KMT2E: variants seen among roughly 807,000 people sequenced by gnomAD.
KMT2E encodes histone reader KMT2E.
Under a neutral mutation model 184.6 loss-of-function variants are expected in KMT2E, and 30 were observed. The observed-to-expected ratio is 0.16, with a 90% CI of 0.12 to 0.22. The LOEUF (loss-of-function observed/expected upper bound fraction) is 0.22, where lower values mean the gene tolerates loss of function less well. Ranked by LOEUF, KMT2E falls within the 10% of genes least tolerant of loss-of-function variation. The pLI is 1.00. For missense variants in KMT2E, 2,023 were observed against 2,237.4 expected, an observed-to-expected ratio of 0.90 and a Z score of 1.93; for synonymous variants, 815 against 776.5, an observed-to-expected ratio of 1.05 and a Z score of -0.82.
At chr7:105,108,739 T>G in intron 22 of KMT2E, 13 of 551,572 alleles carry the variant, frequency 2.4e-5, no homozygotes, top group Non-Finnish European at 2.3e-5. Context: ...TGAGGATAAA[T>G]GAGATAATGT....
rs766219533 is a variant in KMT2E at position 105,113,295 on chromosome 7, A to G, written c.5539A>G (p.Thr1847Ala). 2.0e-5 allele frequency: 33 copies of G among 1,613,066 alleles called. No homozygotes were observed. The South Asian group carries it at 3.3e-4, about 16-fold the overall frequency. The change falls in exon 27 of 27, where the codon ACA (threonine) becomes GCA (alanine). Residue 1847 changes from threonine to alanine, a missense_variant. Coordinates refer to ENST00000311117, the MANE Select transcript of KMT2E (RefSeq NM_182931.3). ...IPIHRAQVPP[T>A]FQNNYHGSGW... ...AATTCACAGAGCACAGGTGCCACCA[A>G]CATTTCAAAACAATTACCATGGGTC...
intron 1 of KMT2E, among the ~76,000 whole-genome samples, chr7:105,015,450 G>C (rs1794677614): frequency 1.3e-5 from 2 of 152,206 alleles, no homozygotes; most frequent in Admixed American, 1.3e-4. Context: ...GTTAGCTCTA[G>C]AGTAAACCTC....
Position 105,112,609 on chromosome 7 carries a change from A to C in KMT2E, c.4853A>C (p.His1618Pro), listed in dbSNP as rs748481874. The change falls in exon 27 of 27, where the codon CAC becomes CCC. Residue 1618 changes from histidine to proline, a missense_variant. By Grantham distance (77) the His-to-Pro change is moderately conservative. Transcript: ENST00000311117. ...HFLPSQNPTI[H>P]HQTAAAVVPP... is the part of the protein sequence containing the mutation. ...TTGCCCTCTCAGAACCCTACCATTC[A>C]CCATCAAACTGCTGCTGCCGTAGTC... is the stretch of plus-strand genomic sequence containing the variant. The C allele has an allele frequency of 6.2e-7, 1 of 1,613,672 alleles. No homozygotes were observed. The highest frequency in any genetic ancestry group is 8.5e-7 in the Non-Finnish European group (1 of 1,179,920).
intron 1 of KMT2E, among the ~76,000 whole-genome samples, chr7:105,019,031 C>T (rs1021219282): frequency 1.3e-5 from 2 of 151,836 alleles, no homozygotes; most frequent in Admixed American, 1.3e-4. Context: ...ATAGCAATTG[C>T]AATATTTTTA....
intron 6 of KMT2E, among the ~76,000 whole-genome samples, chr7:105,071,613 T>A (rs1269179346): frequency 2.0e-3 from 171 of 86,624 alleles, no homozygotes; most frequent in African/African-American, 8.9e-3. Flanking sequence ...TATATATTTT[T>A]TTTTTTTTTT....
intron 1 of KMT2E, among the ~76,000 whole-genome samples, chr7:105,033,169 G>A (rs1371580690): frequency 6.6e-6 from 1 of 152,138 alleles, no homozygotes; most frequent in Admixed American, 6.5e-5. Flanking sequence ...ACAATTATTG[G>A]TTAAAGCACA....
intron 1 of KMT2E, among the ~76,000 whole-genome samples, chr7:105,022,791 A>G (rs1024022481): frequency 6.6e-6 from 1 of 152,186 alleles, no homozygotes; most frequent in African/African-American, 2.4e-5. Context: ...ATACACATAT[A>G]CACCAGGGTT....
At chr7:105,106,057 C>G in intron 19 of KMT2E, 54 bp downstream of exon 19, 1 of 1,507,082 alleles carries the variant, frequency 6.6e-7, no homozygotes, top group Non-Finnish European at 9.0e-7. Context: ...GGCATACATA[C>G]AGCTTTATAA....
intron 19 of KMT2E, 100 bp from the exon 20 acceptor site, chr7:105,106,422 C>G (rs1393073118): frequency 1.7e-5 from 19 of 1,142,104 alleles, no homozygotes; most frequent in Non-Finnish European, 1.0e-5. Context: ...AAAGTCATAA[C>G]TGCCATTGTT....
At chr7:105,111,664 G>A (rs1799287749) in intron 26 of KMT2E, among the ~76,000 whole-genome samples, 161 bp from the exon 27 acceptor site, 2 of 151,888 alleles carry the variant, frequency 1.3e-5, no homozygotes, top group Admixed American at 1.3e-4. Context: ...GAAAAATATT[G>A]GCCTTTTAAC....
chr7:105,101,055 T>C (rs1385707933), intron 15 of KMT2E, among the ~76,000 whole-genome samples: 9 of 152,194 alleles, frequency 5.9e-5, no homozygotes, highest in Admixed American at 5.9e-4. Context: ...AACATATCAT[T>C]ACCTTAGGGA....
chr7:105,073,539 A>G (rs1230675690), intron 6 of KMT2E, 80 bp from the exon 7 acceptor site: 1 of 867,386 alleles, frequency 1.2e-6, no homozygotes, highest in Non-Finnish European at 1.8e-6. Flanking sequence ...AGAACATTAA[A>G]TAAATTAAAA....
At chr7:105,024,952 C>G (rs1009715524) in intron 1 of KMT2E, among the ~76,000 whole-genome samples, 9 of 152,008 alleles carry the variant, frequency 5.9e-5, no homozygotes, top group Non-Finnish European at 8.8e-5. Context: ...GGATAAGGAG[C>G]TTGAATTAAA....
At chr7:105,044,650 C>G (rs2129565625) in intron 3 of KMT2E, among the ~76,000 whole-genome samples, 1 of 152,248 alleles carries the variant, frequency 6.6e-6, no homozygotes, top group Middle Eastern at 3.4e-3. Context: ...TTTGGAGCAG[C>G]AGTGACCCTA....
intron 1 of KMT2E, among the ~76,000 whole-genome samples, chr7:105,014,990 G>C (rs1298000997): frequency 6.6e-6 from 1 of 152,044 alleles, no homozygotes; most frequent in African/African-American, 2.4e-5. Context: ...ATTTCTTGAC[G>C]GGCAGTCTCT....
chr7:105,015,248 A>G (rs996898328), intron 1 of KMT2E, among the ~76,000 whole-genome samples: 4 of 152,182 alleles, frequency 2.6e-5, no homozygotes, highest in Non-Finnish European at 5.9e-5. Context: ...ATTTTGACCA[A>G]GGGATTGGCA....
In KMT2E at chr7:105,066,713, T is replaced by C; in HGVS notation, c.417-14T>C. On this transcript the variant is annotated splice_polypyrimidine_tract_variant and intron_variant, in intron 5 of 26. Transcript: ENST00000311117. Reference sequence around the variant, plus strand: ...TAAATAATATTACATATGTTCTGCTTTTTTTTTTTTAAGCGTTTGGCAACA... The same window carrying C: ...TAAATAATATTACATATGTTCTGCTCTTTTTTTTTTAAGCGTTTGGCAACA... The C allele has an allele frequency of 6.8e-7, 1 of 1,469,628 alleles. No individual in the cohort carries two copies. Among genetic ancestry groups the C allele is most frequent in the Non-Finnish European group, 9.3e-7 (1 of 1,075,058 alleles). 91.0% of individuals were successfully genotyped at this position (1,469,628 alleles called of 1,614,324 possible).
chr7:105,032,446 G>GA (rs1162141544), intron 1 of KMT2E, among the ~76,000 whole-genome samples: 3 of 150,322 alleles, frequency 2.0e-5, no homozygotes, highest in African/African-American at 4.9e-5. Context: ...TCCGTCTCAA[G>GA]AAAAAAAAAG....
Position 105,014,279 on chromosome 7 carries a change from CAG to C in KMT2E, c.-442_-441del, listed in dbSNP as rs1048092909. On this transcript the variant is annotated 5_prime_UTR_variant, in exon 1 of 27. Transcript: ENST00000311117. ...CCGTGCCGGAGTTCGGGAGCGGCAA[CAG>C]AGTGGGCATAGACACTCCGAGCAGC... 1.2e-5 allele frequency: 2 copies of C among 170,756 alleles called. No individual in the cohort carries two copies. The highest frequency in any genetic ancestry group is 4.8e-5 in the African/African-American group (2 of 41,582). 10.6% of individuals were successfully genotyped at this position (170,756 alleles called of 1,614,324 possible).
Sources: gnomAD v4.1 joint callset for allele counts (sites outside exome capture counted in the v4.1 genomes callset) on GRCh38, gnomAD v4.1.1 for gene constraint, MANE v1.5 for transcripts, NCBI Gene and HGNC (gene_info 2026-07-23, HGNC 2026-07-21) for gene names.